The following PCMT1 variants were observed in gnomAD, a reference collection of about 807,000 sequenced individuals.
PCMT1 encodes protein-L-isoaspartate(D-aspartate) O-methyltransferase.
Under a neutral mutation model 29.2 loss-of-function variants are expected in PCMT1, and 9 were observed. That is an observed-to-expected ratio of 0.31 (90% CI 0.19 to 0.54). The LOEUF is 0.54. Ranked by LOEUF, PCMT1 falls within the 20% of genes least tolerant of loss-of-function variation. The probability of loss-of-function intolerance (pLI) is 0.95; values close to 1 mark genes in which losing one functional copy is unlikely to be tolerated. For synonymous variants in PCMT1, 98 were observed against 97.5 expected, an observed-to-expected ratio of 1.00 and a Z score of -0.03; for missense variants, 184 against 282.2, an observed-to-expected ratio of 0.65 and a Z score of 2.49.
chr6:149,801,339 G>A (rs1775821095), intron 6 of PCMT1, among the ~76,000 whole-genome samples: 1 of 152,138 alleles, frequency 6.6e-6, no homozygotes, highest in Non-Finnish European at 1.5e-5. Context: ...TGCCACATGA[G>A]GTCAGGTGTG....
intron 5 of PCMT1, chr6:149,795,413 G>A: frequency 2.5e-6 from 1 of 403,748 alleles, no homozygotes. Flanking sequence ...ATTTGAGAAT[G>A]CAAAAGAAGG....
intron 5 of PCMT1, chr6:149,795,193 C>CAA (rs58391587): frequency 9.5e-4 from 260 of 272,770 alleles, no homozygotes; most frequent in South Asian, 1.4e-3. Context: ...GACTTCGTCT[C>CAA]AAAAAAAAAA....
intron 3 of PCMT1, among the ~76,000 whole-genome samples, chr6:149,789,219 G>A (rs773405166): frequency 6.6e-6 from 1 of 152,030 alleles, no homozygotes; most frequent in Non-Finnish European, 1.5e-5. Flanking sequence ...GGGATTACAG[G>A]TGGCTGCCAC....
chr6:149,800,750 A>C (rs1396130804), intron 6 of PCMT1, among the ~76,000 whole-genome samples: 1 of 152,114 alleles, frequency 6.6e-6, no homozygotes, highest in Non-Finnish European at 1.5e-5. Context: ...TTATCCCTTC[A>C]GTGATGCCCT....
chr6:149,767,941 G>C (rs768724139), intron 1 of PCMT1, among the ~76,000 whole-genome samples: 1 of 151,362 alleles, frequency 6.6e-6, no homozygotes, highest in Admixed American at 6.6e-5. Flanking sequence ...TTACAGGTGC[G>C]CACCACCACA....
chr6:149,778,701 C>T (rs1787682783), intron 3 of PCMT1, among the ~76,000 whole-genome samples: 2 of 151,908 alleles, frequency 1.3e-5, no homozygotes, highest in Non-Finnish European at 2.9e-5. Context: ...CCACCCTTTA[C>T]TTTTTAAAAA....
chr6:149,752,747 A>T (rs1786372680), intron 1 of PCMT1, among the ~76,000 whole-genome samples: 1 of 152,222 alleles, frequency 6.6e-6, no homozygotes, highest in African/African-American at 2.4e-5. Context: ...TTCCACCGGT[A>T]GGTTATCATA....
At chr6:149,774,808 G>A (rs1354180930) in intron 3 of PCMT1, among the ~76,000 whole-genome samples, 3 of 149,762 alleles carry the variant, frequency 2.0e-5, no homozygotes. Context: ...CTGGGTTCAC[G>A]CCATTCTCCT....
At chr6:149,796,634 G>A (rs1207896926) in intron 6 of PCMT1, 134 bp downstream of exon 6, 3 of 577,522 alleles carry the variant, frequency 5.2e-6, no homozygotes, top group Admixed American at 3.5e-5. Context: ...ACATTTAGCT[G>A]TTACTCTTTT....
At chr6:149,776,710 CCT>C (rs1462201972) in intron 3 of PCMT1, among the ~76,000 whole-genome samples, 3 of 152,120 alleles carry the variant, frequency 2.0e-5, no homozygotes, top group African/African-American at 7.2e-5. Context: ...CCATGCCCAG[CCT>C]CATCTTCACT....
At chr6:149,772,039 C>T (rs543991160) in intron 2 of PCMT1, 2 of 456,782 alleles carry the variant, frequency 4.4e-6, no homozygotes, top group East Asian at 6.9e-5. Context: ...ACTCCTTCTC[C>T]TGAAGCAGGT....
chr6:149,782,303 G>A (rs1442717557), intron 3 of PCMT1, among the ~76,000 whole-genome samples: 1 of 152,034 alleles, frequency 6.6e-6, no homozygotes, highest in Admixed American at 6.6e-5. Flanking sequence ...AATCTTAGCA[G>A]TATTATAAGA....
At chr6:149,783,549 A>G (rs1264394488) in intron 3 of PCMT1, among the ~76,000 whole-genome samples, 1 of 152,168 alleles carries the variant, frequency 6.6e-6, no homozygotes, top group Non-Finnish European at 1.5e-5. Context: ...CCAATATTAT[A>G]TACTTCTTAA....
At chr6:149,762,548 G>GATATATATATCTATGAT (rs1562398165) in intron 1 of PCMT1, among the ~76,000 whole-genome samples, 112 of 8,068 alleles carry the variant, frequency 0.014, 32 homozygotes, top group East Asian at 0.029. Context: ...ATATATCTAT[G>GATATATATATCTATGAT]ATATATATAT....
intron 1 of PCMT1, among the ~76,000 whole-genome samples, chr6:149,758,292 C>T (rs1406651947): frequency 6.7e-6 from 1 of 149,892 alleles, no homozygotes; most frequent in Non-Finnish European, 1.5e-5. Context: ...CTCACTGCAA[C>T]CTCCGCCTCC....
intron 1 of PCMT1, among the ~76,000 whole-genome samples, chr6:149,754,385 A>C (rs1228199381): frequency 6.6e-5 from 10 of 152,164 alleles, no homozygotes; most frequent in Admixed American, 6.6e-4. Flanking sequence ...TAATCCAGGG[A>C]ATGTGACTAT....
In PCMT1 at chr6:149,802,304, C is replaced by G. The variant is rs1189212654; in HGVS notation, c.609C>G (p.Ile203Met). ...EQYDKLQDGS[I>M]KMKPLMGVIY... ...ATGACAAGCTACAAGATGGCAGCATCAAAATGAAGCCTCTGATGGGGGTGA... is the reference window on the plus strand; with the variant it reads ...ATGACAAGCTACAAGATGGCAGCATGAAAATGAAGCCTCTGATGGGGGTGA... The change falls in exon 7 of 8, where the codon ATC becomes ATG. Residue 203 changes from isoleucine to methionine, a missense_variant. Ile to Met is a conservative substitution (Grantham distance 10). Transcript: ENST00000464889. 1 of 1,613,446 alleles carries G rather than the reference C, an allele frequency of 6.2e-7. No homozygotes were observed. Among genetic ancestry groups the G allele is most frequent in the Non-Finnish European group, 8.5e-7 (1 of 1,179,734 alleles).
intron 7 of PCMT1, among the ~76,000 whole-genome samples, chr6:149,806,546 C>T (rs937237638): frequency 1.3e-5 from 2 of 152,050 alleles, no homozygotes; most frequent in African/African-American, 2.4e-5. Context: ...TGCCAGGCTA[C>T]GTGATTTCTG....
At chr6:149,765,719 C>G in intron 1 of PCMT1, 1 of 342,518 alleles carries the variant, frequency 2.9e-6, no homozygotes, top group South Asian at 2.3e-5. Context: ...GTAATACCAG[C>G]ACTTTGGGAG....
Sources: gnomAD v4.1 joint callset for allele counts (sites outside exome capture counted in the v4.1 genomes callset) on GRCh38, gnomAD v4.1.1 for gene constraint, MANE v1.5 for transcripts, NCBI Gene and HGNC (gene_info 2026-07-23, HGNC 2026-07-21) for gene names.